MPHOSPH9: variants seen among roughly 807,000 people sequenced by gnomAD.
The protein encoded by MPHOSPH9 is M-phase phosphoprotein 9.
A neutral mutation model predicts 145.5 loss-of-function variants in MPHOSPH9; 88 were observed. The observed-to-expected ratio is 0.60, with a 90% CI of 0.51 to 0.72. The LOEUF (loss-of-function observed/expected upper bound fraction) is 0.72, where lower values mean the gene tolerates loss of function less well. MPHOSPH9 is among the 30% of genes least tolerant of loss of function. The pLI is 0.00. For synonymous variants in MPHOSPH9, 435 were observed against 486.2 expected, an observed-to-expected ratio of 0.89 and a Z score of 1.39; for missense variants, 1,238 against 1,386.6, an observed-to-expected ratio of 0.89 and a Z score of 1.70.
At chr12:123,202,387 C>T (rs768741917) in intron 10 of MPHOSPH9, 68 bp from the exon 11 acceptor site, 3 of 1,460,092 alleles carry the variant, frequency 2.1e-6, no homozygotes, top group African/African-American at 1.4e-5. Flanking sequence ...ACAAGAGAAA[C>T]CAAGAACACA....
At chr12:123,222,029 T>A (rs915853858) in intron 4 of MPHOSPH9, 134 bp from the exon 5 acceptor site, 14 of 663,884 alleles carry the variant, frequency 2.1e-5, no homozygotes, top group Non-Finnish European at 3.4e-5. Context: ...TTATCTTTAG[T>A]TTATAAACAA....
intron 11 of MPHOSPH9, among the ~76,000 whole-genome samples, chr12:123,200,453 AC>A (rs1256059307): frequency 1.3e-5 from 2 of 151,806 alleles, no homozygotes; most frequent in Non-Finnish European, 2.9e-5. Flanking sequence ...TTTACTTAAA[AC>A]CCTGGCTTCC....
chr12:123,232,582 G>C (rs1451480442), intron 1 of MPHOSPH9, among the ~76,000 whole-genome samples: 1 of 152,128 alleles, frequency 6.6e-6, no homozygotes, highest in Non-Finnish European at 1.5e-5. Flanking sequence ...AGAGATTTCA[G>C]ATGGGGATGA....
chr12:123,226,419 T>A (rs953319626), intron 3 of MPHOSPH9: 2 of 554,020 alleles, frequency 3.6e-6, no homozygotes, highest in African/African-American at 4.0e-5. Flanking sequence ...TAGTGCTTTC[T>A]AAGAATTAAT....
At chr12:123,205,999 A>G (rs904879428) in intron 8 of MPHOSPH9, among the ~76,000 whole-genome samples, 3 of 152,134 alleles carry the variant, frequency 2.0e-5, no homozygotes, top group Non-Finnish European at 4.4e-5. Flanking sequence ...CATACTCCAC[A>G]TGGGAGTCCA....
chr12:123,191,545 G>A (rs1033859596), intron 13 of MPHOSPH9, among the ~76,000 whole-genome samples: 2 of 152,018 alleles, frequency 1.3e-5, no homozygotes, highest in African/African-American at 4.8e-5. Flanking sequence ...TGCCCGCCTC[G>A]GCTGCCCAAA....
intron 1 of MPHOSPH9, among the ~76,000 whole-genome samples, chr12:123,231,967 C>G (rs2047655715): frequency 6.7e-6 from 1 of 149,076 alleles, no homozygotes; most frequent in South Asian, 2.2e-4. Context: ...TTTCTAGGGC[C>G]TGCTTTTATA....
intron 12 of MPHOSPH9, among the ~76,000 whole-genome samples, chr12:123,197,753 G>C (rs1326552158): frequency 6.8e-6 from 1 of 147,618 alleles, no homozygotes; most frequent in African/African-American, 2.5e-5. Context: ...CTGCACTACA[G>C]CCTGGGCGAC....
intron 12 of MPHOSPH9, among the ~76,000 whole-genome samples, chr12:123,195,262 A>C (rs542979505): frequency 6.6e-6 from 1 of 152,112 alleles, no homozygotes; most frequent in Non-Finnish European, 1.5e-5. Flanking sequence ...GAGGAGAAAA[A>C]CATTTCATAC....
At chr12:123,199,175 T>C (rs930475686) in intron 11 of MPHOSPH9, among the ~76,000 whole-genome samples, 5 of 152,076 alleles carry the variant, frequency 3.3e-5, no homozygotes, top group African/African-American at 1.2e-4. Flanking sequence ...TTTGTAGAGA[T>C]GGGATCTCAC....
At chr12:123,211,991 A>G (rs1382153172) in intron 7 of MPHOSPH9, among the ~76,000 whole-genome samples, 1 of 152,136 alleles carries the variant, frequency 6.6e-6, no homozygotes. Flanking sequence ...CACCACGCCC[A>G]GCTGACAATT....
chr12:123,165,543 C>G (rs1229072785), intron 17 of MPHOSPH9, 66 bp from the exon 18 acceptor site: 5 of 1,371,348 alleles, frequency 3.6e-6, no homozygotes, highest in Non-Finnish European at 5.1e-6. Flanking sequence ...CCCCCGCCCC[C>G]ACACCAAACA....
intron 16 of MPHOSPH9, among the ~76,000 whole-genome samples, chr12:123,176,084 T>C (rs1228718741): frequency 6.6e-6 from 1 of 152,062 alleles, no homozygotes; most frequent in Non-Finnish European, 1.5e-5. Flanking sequence ...AAATTACAAT[T>C]TAAAATCATT....
At position 123,223,120 on chromosome 12, in the gene MPHOSPH9, C is replaced by A; in HGVS notation, c.266G>T (p.Trp89Leu). 7.1e-7 allele frequency: 1 copy of A among 1,414,746 alleles called. No homozygotes were observed. The highest frequency in any genetic ancestry group is 9.2e-7 in the Non-Finnish European group (1 of 1,091,748). 87.6% of individuals were successfully genotyped at this position (1,414,746 alleles called of 1,614,324 possible). Residue 89 changes from tryptophan (W) to leucine (L), a missense_variant, in exon 4 of 24, where the codon TGG becomes TTG. Coordinates refer to ENST00000606320, the MANE Select transcript of MPHOSPH9 (RefSeq NM_022782.4). ...TTCCACCAAATTGAATAGCTGTAAC[C>A]ACCTGGTCTATTAAATTATAAAATA... Reference protein sequence around the residue: ...SELWKNCETRWLQLFNLVEKQ... With the variant: ...SELWKNCETRLLQLFNLVEKQ...
chr12:123,164,137 G>A (rs2044219047), intron 18 of MPHOSPH9, 47 bp from the exon 19 acceptor site: 13 of 1,610,346 alleles, frequency 8.1e-6, no homozygotes, highest in Admixed American at 1.7e-5. Flanking sequence ...ATCAAAACAA[G>A]CCTACGCTTC....
chr12:123,198,417 T>C (rs971103307), intron 11 of MPHOSPH9, 83 bp from the exon 12 acceptor site: 4 of 1,094,038 alleles, frequency 3.7e-6, no homozygotes, highest in African/African-American at 1.6e-5. Flanking sequence ...AATTCTCTAA[T>C]ATATAACATA....
chr12:123,203,495 T>C, intron 8 of MPHOSPH9, 120 bp from the exon 9 acceptor site: 1 of 895,268 alleles, frequency 1.1e-6, no homozygotes, highest in South Asian at 1.9e-5. Context: ...ATGTAGACTG[T>C]CAGATTTGTA....
intron 18 of MPHOSPH9, among the ~76,000 whole-genome samples, 169 bp from the exon 19 acceptor site, chr12:123,164,259 C>G (rs766861941): frequency 1.3e-5 from 2 of 152,148 alleles, no homozygotes; most frequent in Non-Finnish European, 2.9e-5. Flanking sequence ...TGACTATTTG[C>G]AAATGCACCA....
In MPHOSPH9 at chr12:123,198,394, C is replaced by A. The variant is rs977672791; in HGVS notation, c.1938-60G>T. 7 of 1,318,826 alleles carry A rather than the reference C, an allele frequency of 5.3e-6. No homozygotes were observed. The South Asian group carries it at 8.9e-5, about 17-fold the overall frequency. The allele number at this position is 1,318,826 out of a possible 1,614,324, so 81.7% of individuals were successfully genotyped here. ...AAAATTATTACCCTTAAAAGTATTA[C>A]ATAAATCTAACCAATTCTCTAATAT... On this transcript the variant is annotated intron_variant, in intron 11 of 23. Coordinates refer to ENST00000606320, the MANE Select transcript of MPHOSPH9 (RefSeq NM_022782.4).
Sources: gnomAD v4.1 joint callset for allele counts (sites outside exome capture counted in the v4.1 genomes callset) on GRCh38, gnomAD v4.1.1 for gene constraint, MANE v1.5 for transcripts, NCBI Gene and HGNC (gene_info 2026-07-23, HGNC 2026-07-21) for gene names.